Variants in EGFL6 observed in about 807,000 individuals in gnomAD.
The protein encoded by EGFL6 is EGF like domain multiple 6.
A neutral mutation model predicts 43.1 loss-of-function variants in EGFL6; 42 were observed. The ratio of observed to expected loss-of-function variants is 0.98; its 90% CI spans 0.76 to 1.26. The LOEUF is 1.26. Ranked by LOEUF, EGFL6 falls within the 50% of genes most tolerant of loss-of-function variation. The pLI, the probability that EGFL6 is intolerant of heterozygous loss-of-function variation, is 0.00. For synonymous variants in EGFL6, 164 were observed against 163.2 expected, an observed-to-expected ratio of 1.01 and a Z score of -0.04; for missense variants, 429 against 427.8, an observed-to-expected ratio of 1.00 and a Z score of -0.02.
intron 1 of EGFL6, among the ~76,000 whole-genome samples, chrX:13,589,093 G>A (rs964787485): frequency 3.6e-5 from 4 of 111,730 alleles, no homozygotes; most frequent in African/African-American, 1.3e-4. Context: ...TTTGCTGAAC[G>A]AGCCCTTCCA....
chrX:13,593,303 G>A (rs1320939602), intron 2 of EGFL6, among the ~76,000 whole-genome samples: 1 of 111,621 alleles, frequency 9.0e-6, no homozygotes, highest in Admixed American at 9.5e-5. Context: ...GCAAGGCGTG[G>A]CATGATCAGA....
At chrX:13,619,360 G>A in intron 9 of EGFL6, 117 bp downstream of exon 9, 1 of 619,115 alleles carries the variant, frequency 1.6e-6, no homozygotes, top group Non-Finnish European at 2.6e-6. Flanking sequence ...ACCCCCAAGG[G>A]AAAAATCATT....
At chrX:13,593,569 G>A (rs960023467) in intron 2 of EGFL6, among the ~76,000 whole-genome samples, 2 of 111,772 alleles carry the variant, frequency 1.8e-5, no homozygotes, top group African/African-American at 6.5e-5. Context: ...CAAGGAACTA[G>A]GCTGTTAGAC....
chrX:13,594,058 T>C lies in EGFL6; in HGVS notation c.188-778T>C, dbSNP rs761560995. The stretch of plus-strand genomic sequence containing the variant: ...AGTCTCCTTTCTCTCTCATATATTA[T>C]ATCCTCTCCCTTTCTACTCTTGAGG... On this transcript the variant is annotated intron_variant, in intron 2 of 11. Transcript: ENST00000361306. 2.5e-4 allele frequency among the ~76,000 whole-genome samples: 28 copies of C among 111,363 alleles called. No individual in the cohort carries two copies. In the South Asian group the frequency reaches 1.0e-2, roughly 40 times the overall value.
intron 1 of EGFL6, among the ~76,000 whole-genome samples, chrX:13,581,975 G>A (rs1209394830): frequency 9.0e-6 from 1 of 111,624 alleles, no homozygotes; most frequent in Non-Finnish European, 1.9e-5. Flanking sequence ...TGAGAGAGAA[G>A]CTGGCCAGTC....
In EGFL6 at chrX:13,589,583, G is replaced by A; in HGVS notation, c.102G>A (p.Ser34=). 6.6e-6 allele frequency: 8 copies of A among 1,210,011 alleles called. No individual in the cohort carries two copies. Among genetic ancestry groups the A allele is most frequent in the South Asian group, 1.8e-5 (1 of 56,665 alleles). ...CAAGGCATCACGGGTTGTTAGCATC[G>A]GCACGTCAGCCTGGGGTCTGTCACT... ...ASARHHGLLA[S]ARQPGVCHYG... The change falls in exon 2 of 12, where the codon TCG becomes TCA. Residue 34 remains serine, a synonymous_variant. Transcript: ENST00000361306.
At chrX:13,579,986 C>T (rs1019422385) in intron 1 of EGFL6, among the ~76,000 whole-genome samples, 1 of 111,074 alleles carries the variant, frequency 9.0e-6, no homozygotes, top group African/African-American at 3.3e-5. Context: ...GTCCTAATTT[C>T]GGAAGTTACC....
At chrX:13,628,827 C>A (rs1378631533) in intron 11 of EGFL6, among the ~76,000 whole-genome samples, 1 of 111,333 alleles carries the variant, frequency 9.0e-6, no homozygotes, top group Non-Finnish European at 1.9e-5. Context: ...CCCGAAAAAA[C>A]AAACAAATGA....
intron 7 of EGFL6, among the ~76,000 whole-genome samples, chrX:13,613,331 T>C (rs1259891535): frequency 9.1e-6 from 1 of 110,123 alleles, no homozygotes; most frequent in Non-Finnish European, 1.9e-5. Flanking sequence ...GATGTGTATA[T>C]GTTCCACTGT....
At chrX:13,625,885 C>CAAAAAAAAAAAAAAAAAAAAAAAAA (rs755901799) in intron 10 of EGFL6, among the ~76,000 whole-genome samples, 1 of 30,904 alleles carries the variant, frequency 3.2e-5, no homozygotes, top group African/African-American at 1.1e-4. Flanking sequence ...GACCCTGCCT[C>CAAAAAAAAAAAAAAAAAAAAAAAAA]AAAAAAAAAA....
intron 11 of EGFL6, among the ~76,000 whole-genome samples, chrX:13,628,375 A>G (rs765118684): frequency 9.1e-6 from 1 of 110,322 alleles, no homozygotes; most frequent in South Asian, 3.9e-4. Context: ...CAAAGAGTCT[A>G]TTCAGTTTGA....
chrX:13,582,592 T>C, intron 1 of EGFL6, among the ~76,000 whole-genome samples: 1 of 111,432 alleles, frequency 9.0e-6, no homozygotes, highest in Non-Finnish European at 1.9e-5. Context: ...AGTAACACTT[T>C]ATACGACATC....
Position 13,633,047 on chromosome X carries a change from G to T in EGFL6, c.1614G>T (p.Leu538Phe), listed in dbSNP as rs763935913. Residue 538 changes from leucine to phenylalanine, a missense_variant, in exon 12 of 12, where the codon TTG (leucine) becomes TTT (phenylalanine). Leu to Phe is a conservative substitution (Grantham distance 22). Transcript: ENST00000361306. Reference protein sequence around the residue: ...KTGEIAVDGVLLVSGLCPDSL... With the variant: ...KTGEIAVDGVFLVSGLCPDSL... ...GCGAAATCGCAGTGGATGGCGTCTT[G>T]CTTGTTTCAGGCTTATGTCCAGATA... The T allele has an allele frequency of 2.5e-6, 3 of 1,203,558 alleles. No homozygotes were observed. The highest frequency in any genetic ancestry group is 3.4e-6 in the Non-Finnish European group (3 of 893,298).
At chrX:13,632,934 C>T in intron 11 of EGFL6, 51 bp from the exon 12 acceptor site, 2 of 1,091,570 alleles carry the variant, frequency 1.8e-6, no homozygotes, top group Non-Finnish European at 2.5e-6. Context: ...TTGATTATAT[C>T]ATTGTTTTGA....
chrX:13,613,111 C>T (rs929900903), intron 7 of EGFL6, among the ~76,000 whole-genome samples: 10 of 106,264 alleles, frequency 9.4e-5, no homozygotes, highest in African/African-American at 3.2e-4. Flanking sequence ...TACCACTACA[C>T]TCCAGCCTGG....
chrX:13,569,711 C>T lies in EGFL6; in HGVS notation c.-151C>T, dbSNP rs1464185944. The T allele has an allele frequency of 1.6e-5, 9 of 561,963 alleles. No individual in the cohort carries two copies. Among genetic ancestry groups the T allele is most frequent in the Non-Finnish European group, 2.5e-5 (9 of 357,140 alleles). The allele number at this position is 561,963 out of a possible 1,213,427, so 46.3% of individuals were successfully genotyped here. A position where few individuals can be genotyped will look rare whatever the true frequency, so the allele number is the denominator to read the frequency against. On this transcript the variant is annotated 5_prime_UTR_variant, in exon 1 of 12. Transcript: ENST00000361306. The stretch of plus-strand genomic sequence containing the variant: ...CCTGCCGCGGTGCCTGGCCTCCCCT[C>T]CCAGACTGCAGGGACAGCACCCGGT...
In EGFL6 at chrX:13,617,737, T is replaced by A. The variant is rs1029213083; in HGVS notation, c.786T>A (p.Pro262=). ...KGNGLRCSAI[P]ENSVKEVLRA... ...GCCTCTTATTTGTTTTAGCTATCCC[T>A]GAAAATTCTGTGAAGGAAGTCCTCA... The change falls in exon 8 of 12, where the codon CCT becomes CCA. Residue 262 remains proline, a synonymous_variant. Coordinates refer to ENST00000361306, the MANE Select transcript of EGFL6 (RefSeq NM_015507.4). 12 of 1,193,409 alleles carry A rather than the reference T, an allele frequency of 1.0e-5. No individual in the cohort carries two copies. The highest frequency in any genetic ancestry group is 1.4e-5 in the Non-Finnish European group (12 of 886,053).
In EGFL6 at chrX:13,569,809, G is replaced by A; in HGVS notation, c.-53G>A. The A allele has an allele frequency of 8.5e-7, 1 of 1,176,549 alleles. No individual in the cohort carries two copies. On this transcript the variant is annotated 5_prime_UTR_variant, in exon 1 of 12. Transcript: ENST00000361306. ...GGCGGCTTAGCTGCTACGGGGTCCG[G>A]CCGGCGCCCTCCCGAGGGGGGCTCA...
In EGFL6 at chrX:13,603,338, T is replaced by A; in HGVS notation, c.422T>A (p.Ile141Lys). 9 of 1,209,454 alleles carry A rather than the reference T, an allele frequency of 7.4e-6. No individual in the cohort carries two copies. Among genetic ancestry groups the A allele is most frequent in the Non-Finnish European group, 1.0e-5 (9 of 894,444 alleles). ...TCVNSRTCAM[I>K]NCQYSCEDTE... ...TCAGACTCTAGGACATGTGCCATGA[T>A]AAACTGTCAGTACAGCTGTGAAGAC... Residue 141 changes from isoleucine (I) to lysine (K), a missense_variant, in exon 5 of 12, where the codon ATA (isoleucine) becomes AAA (lysine). Coordinates refer to ENST00000361306, the MANE Select transcript of EGFL6 (RefSeq NM_015507.4).
Sources: gnomAD v4.1 joint callset for allele counts (sites outside exome capture counted in the v4.1 genomes callset) on GRCh38, gnomAD v4.1.1 for gene constraint, MANE v1.5 for transcripts, NCBI Gene and HGNC (gene_info 2026-07-23, HGNC 2026-07-21) for gene names.